PLA2G6: variants seen among roughly 807,000 people sequenced by gnomAD.
PLA2G6 encodes the protein 85/88 kDa calcium-independent phospholipase A2.
Under a neutral mutation model 83.8 loss-of-function variants are expected in PLA2G6, and 62 were observed. The ratio of observed to expected loss-of-function variants is 0.74; its 90% CI spans 0.60 to 0.91. The LOEUF (loss-of-function observed/expected upper bound fraction) is 0.91. PLA2G6 is among the 40% of genes least tolerant of loss of function. The probability of loss-of-function intolerance (pLI) is 0.00; values close to 1 mark genes in which losing one functional copy is unlikely to be tolerated. For synonymous variants in PLA2G6, 417 were observed against 449.8 expected (o/e 0.93, Z 0.92); for missense variants, 944 against 1,102.0 (o/e 0.86, Z 2.03).
intron 2 of PLA2G6, among the ~76,000 whole-genome samples, chr22:38,153,597 C>T (rs1343311456): frequency 1.3e-5 from 2 of 150,492 alleles, no homozygotes; most frequent in East Asian, 3.9e-4. Context: ...GATCGCGCCA[C>T]TGCACTCCAG....
At chr22:38,166,509 C>T (rs1273131169) in intron 2 of PLA2G6, among the ~76,000 whole-genome samples, 1 of 152,150 alleles carries the variant, frequency 6.6e-6, no homozygotes, top group African/African-American at 2.4e-5. Flanking sequence ...GCAGGCAGAT[C>T]ACGAGGTCAG....
At position 38,128,206 on chromosome 22, in the gene PLA2G6, C is replaced by A; in HGVS notation, c.1348+63G>T. On this transcript the variant is annotated intron_variant, in intron 9 of 16. Coordinates refer to ENST00000332509, the MANE Select transcript of PLA2G6 (RefSeq NM_003560.4). This position sits in a 1 kb window ranked among gnomAD's most constrained non-coding sequence, Gnocchi z 4.4. ...TAGGGATCCTGTTGCTTTGGTGGGGCCTGCTGTGATCCAGGGGCCTGGGAA... is the reference window on the plus strand; with the variant it reads ...TAGGGATCCTGTTGCTTTGGTGGGGACTGCTGTGATCCAGGGGCCTGGGAA... 2 of 1,535,686 alleles carry A rather than the reference C, an allele frequency of 1.3e-6. No individual in the cohort carries two copies. The highest frequency in any genetic ancestry group is 1.7e-5 in the Admixed American group (1 of 59,896).
intron 2 of PLA2G6, chr22:38,146,655 T>C (rs1292834798): frequency 6.6e-6 from 1 of 152,160 alleles, no homozygotes; most frequent in Non-Finnish European, 1.5e-5. Context: ...TAAGTAAGTA[T>C]TGTTTAACCT....
chr22:38,126,335 C>T (rs749179801), intron 10 of PLA2G6, 36 bp downstream of exon 10: 16 of 1,519,242 alleles, frequency 1.1e-5, no homozygotes, highest in Admixed American at 6.7e-5. Context: ...AAAGCGCACA[C>T]GTTCCCCGCT....
At chr22:38,115,303 C>T (rs1055926369) in intron 14 of PLA2G6, among the ~76,000 whole-genome samples, 12 of 152,252 alleles carry the variant, frequency 7.9e-5, no homozygotes, top group Non-Finnish European at 1.6e-4. Context: ...CTCATGCACA[C>T]TTAGAGCACA....
chr22:38,135,746 G>A (rs1309074563), intron 5 of PLA2G6: 4 of 152,234 alleles, frequency 2.6e-5, no homozygotes, highest in African/African-American at 9.7e-5. Flanking sequence ...GCTGTGCAAG[G>A]AGAAGACTTT....
chr22:38,120,738 C>T lies in PLA2G6; in HGVS notation c.1742+21G>A, dbSNP rs368189588. On this transcript the variant is annotated intron_variant, in intron 12 of 16. Transcript: ENST00000332509. ...ACAGTGGGCACAGCTGCGGCCACGG[C>T]CCCAGTGCGCCAGGGCTTACTTGGG... 1.9e-6 allele frequency: 3 copies of T among 1,612,884 alleles called. No homozygotes were observed. In the African/African-American group the frequency reaches 4.0e-5, roughly 22 times the overall value.
At chr22:38,140,793 G>A (rs565052457) in intron 4 of PLA2G6, 4 of 156,058 alleles carry the variant, frequency 2.6e-5, no homozygotes, top group South Asian at 1.9e-4. Context: ...GCTCATGCTT[G>A]TAATTCCAAC....
At chr22:38,112,605 CG>C (rs2086942264) in intron 15 of PLA2G6, 28 bp from the exon 16 acceptor site, 1 of 1,538,384 alleles carries the variant, frequency 6.5e-7, no homozygotes, top group African/African-American at 1.4e-5. Context: ...TGGTGAGTGC[CG>C]GGCCCACACC....
intron 11 of PLA2G6, among the ~76,000 whole-genome samples, chr22:38,122,076 G>A (rs2235344): frequency 0.41 from 61,802 of 151,880 alleles, 13,001 homozygotes; most frequent in South Asian, 0.57. Flanking sequence ...TCCGCCCATG[G>A]GACTCTGTCC....
intron 2 of PLA2G6, among the ~76,000 whole-genome samples, chr22:38,155,046 T>C (rs1481376398): frequency 6.6e-6 from 1 of 152,044 alleles, no homozygotes; most frequent in Non-Finnish European, 1.5e-5. Flanking sequence ...GCTAACATGG[T>C]GAAATCCCAT....
At chr22:38,145,836 C>CA (rs2089230684) in intron 2 of PLA2G6, 183 bp from the exon 3 acceptor site, 1 of 632,562 alleles carries the variant, frequency 1.6e-6, no homozygotes, top group African/African-American at 1.8e-5. Context: ...CACACACACC[C>CA]CTATACACAT....
chr22:38,135,249 C>G (rs1280791395), intron 5 of PLA2G6, 165 bp from the exon 6 acceptor site: 4 of 627,402 alleles, frequency 6.4e-6, no homozygotes, highest in Admixed American at 2.3e-5. Flanking sequence ...TGTACTGAGC[C>G]CCTCAAGGCA....
rs1292012438 is a variant in PLA2G6, at chr22:38,140,373, TG to T, written c.610-205del. 1.1e-5 allele frequency: 6 copies of T among 548,890 alleles called. No individual in the cohort carries two copies. In the African/African-American group the frequency reaches 1.1e-4, roughly 10 times the overall value. 34.0% of individuals were successfully genotyped at this position (548,890 alleles called of 1,614,324 possible). ...CGATACAAAAATTAGCCGGGCATGGTGGCAGGCACCTGTAATCCCAGCTACT... is the reference window on the plus strand; with the variant it reads ...CGATACAAAAATTAGCCGGGCATGGTGCAGGCACCTGTAATCCCAGCTACT... On this transcript the variant is annotated intron_variant, in intron 4 of 16. Coordinates refer to ENST00000332509, the MANE Select transcript of PLA2G6 (RefSeq NM_003560.4).
chr22:38,126,862 G>A (rs1321086480), intron 9 of PLA2G6: 2 of 375,570 alleles, frequency 5.3e-6, no homozygotes, highest in Non-Finnish European at 9.2e-6. Flanking sequence ...ATTGACAGGT[G>A]AGGCTCTAAG....
At chr22:38,150,690 AG>A (rs2089517214) in intron 2 of PLA2G6, 2 of 152,252 alleles carry the variant, frequency 1.3e-5, no homozygotes, top group African/African-American at 4.8e-5. Flanking sequence ...AAAATAGCAG[AG>A]GGAAAAAAGT....
intron 6 of PLA2G6, chr22:38,134,548 C>T (rs11570672): frequency 0.066 from 10,522 of 158,656 alleles, 457 homozygotes; most frequent in East Asian, 0.2. Flanking sequence ...GGCGACAGAG[C>T]GAGACTCCGT....
rs942485770 is a variant in PLA2G6, at chr22:38,148,441, A to T, written c.210-2788T>A. ...GCCAGAAATGCTGGACAAATTATTA[A>T]AAAACATCTGCTGGCAGGCACTGGA... On this transcript the variant is annotated intron_variant, in intron 2 of 16. Coordinates refer to ENST00000332509, the MANE Select transcript of PLA2G6 (RefSeq NM_003560.4). The T allele has an allele frequency of 7.5e-5, 53 of 710,560 alleles. 1 individual carries two copies. The highest frequency in any genetic ancestry group is 7.4e-4 in the African/African-American group (42 of 56,976). 44.0% of individuals were successfully genotyped at this position (710,560 alleles called of 1,614,324 possible).
chr22:38,171,579 G>C lies in PLA2G6; in HGVS notation c.-45-2108C>G, dbSNP rs539868231. 6.4e-4 allele frequency among the ~76,000 whole-genome samples: 97 copies of C among 152,182 alleles called. 1 individual carries two copies. Among genetic ancestry groups the C allele is most frequent in the African/African-American group, 2.2e-3 (91 of 41,522 alleles). On this transcript the variant is annotated intron_variant, in intron 1 of 16. Coordinates refer to ENST00000332509, the MANE Select transcript of PLA2G6 (RefSeq NM_003560.4). ...CATGCCCGTAATCCCAGCACTCTGGGAGGCTGAGGAGGGCAGATCACTTGA... is the reference window on the plus strand; with the variant it reads ...CATGCCCGTAATCCCAGCACTCTGGCAGGCTGAGGAGGGCAGATCACTTGA...
Sources: allele counts gnomAD v4.1 joint callset (sites outside exome capture counted in the v4.1 genomes callset), GRCh38; gene constraint gnomAD v4.1.1; non-coding constraint Gnocchi (gnomAD v3.1); transcripts MANE v1.5; gene names NCBI Gene and HGNC (gene_info 2026-07-23, HGNC 2026-07-21).